Variants in PPP4R1 observed in about 807,000 individuals in gnomAD.
The protein encoded by PPP4R1 is protein phosphatase 4 regulatory subunit 1.
Under a neutral mutation model 111.2 loss-of-function variants are expected in PPP4R1, and 42 were observed. The observed-to-expected ratio is 0.38, with a 90% CI of 0.29 to 0.49. The LOEUF (loss-of-function observed/expected upper bound fraction) is 0.49. Ranked by LOEUF, PPP4R1 falls within the 20% of genes least tolerant of loss-of-function variation. The pLI is 0.97. For synonymous variants in PPP4R1, 409 were observed against 405.5 expected (o/e 1.01, Z -0.10); for missense variants, 1,012 against 1,161.6 (o/e 0.87, Z 1.87).
chr18:9,553,415 T>C lies in PPP4R1; in HGVS notation c.2198A>G (p.His733Arg), dbSNP rs200733969. The C allele has an allele frequency of 2.2e-5, 34 of 1,561,748 alleles. 1 individual carries two copies. The highest frequency in any genetic ancestry group is 2.9e-5 in the Non-Finnish European group (33 of 1,134,954). Residue 733 changes from histidine to arginine, a missense_variant, in exon 16 of 20, where the codon CAT (histidine) becomes CGT (arginine). This residue lies in a region of PPP4R1 where 305 missense variants were observed against 419.5 expected (regional missense o/e 0.73). Transcript: ENST00000400556. Reference sequence around the variant, plus strand: ...AAGATATTCTCTTCTTTTGTCAATATGAAGAAGCTAAAGTAACAAAATAAA... The same window carrying C: ...AAGATATTCTCTTCTTTTGTCAATACGAAGAAGCTAAAGTAACAAAATAAA... ...KHLHDFLKLL[H>R]IDKRREYLYQ... is the part of the protein sequence containing the mutation.
intron 2 of PPP4R1, among the ~76,000 whole-genome samples, chr18:9,597,322 C>T (rs766024861): frequency 6.6e-6 from 1 of 152,148 alleles, no homozygotes; most frequent in Non-Finnish European, 1.5e-5. Context: ...TCCCAGCAGA[C>T]TCCTGGAGTT....
intron 16 of PPP4R1, among the ~76,000 whole-genome samples, chr18:9,552,141 G>A (rs1354483808): frequency 2.0e-5 from 3 of 152,170 alleles, no homozygotes; most frequent in African/African-American, 7.2e-5. Context: ...GACATCATTT[G>A]AAAATGCAGG....
At chr18:9,613,379 T>C (rs1430537035) in intron 2 of PPP4R1, 1 of 152,224 alleles carries the variant, frequency 6.6e-6, no homozygotes, top group East Asian at 1.9e-4. Flanking sequence ...GTCTTTTCTA[T>C]CGTGACCCAA....
At chr18:9,579,517 CGTGTGTGTGT>C (rs3974278) in intron 9 of PPP4R1, among the ~76,000 whole-genome samples, 63 of 147,870 alleles carry the variant, frequency 4.3e-4, no homozygotes, top group Non-Finnish European at 8.4e-4. Context: ...AGGATTTACA[CGTGTGTGTGT>C]GTGTGTGTGT....
chr18:9,550,169 C>T lies in PPP4R1; in HGVS notation c.2430G>A (p.Lys810=), dbSNP rs2066466546. The T allele has an allele frequency of 3.1e-6, 5 of 1,614,200 alleles. No individual in the cohort carries two copies. The highest frequency in any genetic ancestry group is 4.2e-6 in the Non-Finnish European group (5 of 1,180,042). The change falls in exon 18 of 20, where the codon AAG becomes AAA. Residue 810 remains lysine, a synonymous_variant. Coordinates refer to ENST00000400556, the MANE Select transcript of PPP4R1 (RefSeq NM_001042388.3). The stretch of plus-strand genomic sequence containing the variant: ...TTGGTGGTGTTGCCGCGTGCAGCTT[C>T]TTCACCATCTCGCTGACCTGGGAGG... ...ISYKLVSEMV[K]KLHAATPPTF...
At chr18:9,576,121 G>A (rs1276881693) in intron 10 of PPP4R1, among the ~76,000 whole-genome samples, 2 of 151,992 alleles carry the variant, frequency 1.3e-5, no homozygotes, top group South Asian at 2.1e-4. Flanking sequence ...GTAGGAGAAC[G>A]GGCAAAAAGG....
upstream of PPP4R1, chr18:9,614,964 A>G (rs1293782875): frequency 6.6e-6 from 1 of 151,598 alleles, no homozygotes; most frequent in Non-Finnish European, 1.5e-5. This position sits in a 1 kb window ranked among gnomAD's most constrained non-coding sequence, Gnocchi z 4.1. Flanking sequence ...AGCCGCAGCC[A>G]TCTCGGCGGG....
rs150629967 is a variant in PPP4R1, at chr18:9,599,888, T to C, written c.53-4735A>G. The stretch of plus-strand genomic sequence containing the variant: ...CTCCTACAGCTGTGACTGTCAAACA[T>C]AATTATGTTCAAGACAAGCTTGTGG... On this transcript the variant is annotated intron_variant, in intron 2 of 19. Transcript: ENST00000400556. 1.7e-3 allele frequency: 262 copies of C among 152,232 alleles called. 1 individual carries two copies. The highest frequency in any genetic ancestry group is 6.0e-3 in the African/African-American group (249 of 41,538). The allele number at this position is 152,232 out of a possible 1,614,324, so 9.4% of individuals were successfully genotyped here.
chr18:9,574,946 G>C (rs1340659879), intron 10 of PPP4R1, among the ~76,000 whole-genome samples: 6 of 152,192 alleles, frequency 3.9e-5, no homozygotes, highest in African/African-American at 1.4e-4. Flanking sequence ...TTAAAATGCA[G>C]ATTTGAGTAT....
intron 2 of PPP4R1, among the ~76,000 whole-genome samples, chr18:9,606,798 C>T (rs2067488982): frequency 6.6e-6 from 1 of 152,034 alleles, no homozygotes; most frequent in Non-Finnish European, 1.5e-5. Context: ...CAGTATTTAA[C>T]AGAAAGGTAG....
chr18:9,592,672 TAC>T (rs2067231964), intron 4 of PPP4R1, among the ~76,000 whole-genome samples: 1 of 134,794 alleles, frequency 7.4e-6, no homozygotes, highest in African/African-American at 3.0e-5. Flanking sequence ...CACACACACT[TAC>T]AAAAAAAAAA....
At chr18:9,594,819 G>A in intron 3 of PPP4R1, 199 bp downstream of exon 3, 3 of 487,826 alleles carry the variant, frequency 6.1e-6, no homozygotes, top group Non-Finnish European at 3.3e-6. Context: ...TTTTTGCAAA[G>A]AAAGCATGTT....
rs2066460398 is a variant in PPP4R1, at chr18:9,549,837, T to C, written c.2547+215A>G. On this transcript the variant is annotated intron_variant, in intron 18 of 19. Transcript: ENST00000400556. The stretch of plus-strand genomic sequence containing the variant: ...ATACAGCAGGCACGTGGGGTGTGTG[T>C]GGTGCATGCCAGTGTAAGGAGGGGC... 7 of 639,508 alleles carry C rather than the reference T, an allele frequency of 1.1e-5. No individual in the cohort carries two copies. The East Asian group carries it at 1.9e-4, about 18-fold the overall frequency. 39.6% of individuals were successfully genotyped at this position (639,508 alleles called of 1,614,324 possible). A position where few individuals can be genotyped will look rare whatever the true frequency, so the allele number is the denominator to read the frequency against.
chr18:9,612,516 T>C (rs2067599291), intron 2 of PPP4R1: 2 of 152,350 alleles, frequency 1.3e-5, no homozygotes, highest in South Asian at 4.1e-4. Context: ...CCCTCTACAC[T>C]GTGCTTCTTG....
chr18:9,579,792 C>T (rs1303315136), intron 9 of PPP4R1, among the ~76,000 whole-genome samples: 1 of 152,170 alleles, frequency 6.6e-6, no homozygotes, highest in Non-Finnish European at 1.5e-5. Flanking sequence ...AGACGATTTA[C>T]AGTGTACAGG....
chr18:9,612,278 C>A (rs1444009716), intron 2 of PPP4R1, among the ~76,000 whole-genome samples: 2 of 152,124 alleles, frequency 1.3e-5, no homozygotes, highest in African/African-American at 2.4e-5. Context: ...AAAACTGAGG[C>A]ATAGGGAGGT....
Position 9,614,324 on chromosome 18 carries a change from ACGCCCCCCCCC to A in PPP4R1, c.8-65_8-55del, listed in dbSNP as rs1469005989. 3.8e-4 allele frequency: 386 copies of A among 1,020,902 alleles called. No homozygotes were observed. The highest frequency in any genetic ancestry group is 1.1e-3 in the East Asian group (16 of 15,128). The allele number at this position is 1,020,902 out of a possible 1,614,324, so 63.2% of individuals were successfully genotyped here. On this transcript the variant is annotated intron_variant, in intron 1 of 19. Transcript: ENST00000400556. This position sits in a 1 kb window ranked among gnomAD's most constrained non-coding sequence, Gnocchi z 4.1. ...GGTCAGCGCCCCGGGGCCCGGCGCG[ACGCCCCCCCCC>A]CGCCCGCCTCCCCCCCGCCCCGGGG...
intron 11 of PPP4R1, among the ~76,000 whole-genome samples, chr18:9,566,926 T>C (rs867507072): frequency 1.3e-5 from 2 of 152,198 alleles, no homozygotes; most frequent in South Asian, 4.1e-4. Flanking sequence ...AGAGCTCTGA[T>C]AGAGGCGTAT....
intron 9 of PPP4R1, among the ~76,000 whole-genome samples, chr18:9,582,182 G>A (rs1431569336): frequency 6.6e-6 from 1 of 151,594 alleles, no homozygotes; most frequent in Non-Finnish European, 1.5e-5. Context: ...GCAGAAGGGA[G>A]AATAAAGATT....
Sources: gnomAD v4.1 joint callset for allele counts (sites outside exome capture counted in the v4.1 genomes callset) on GRCh38, gnomAD v4.1.1 for gene constraint, gnomAD v4.1.1 regional missense constraint, Gnocchi (gnomAD v3.1) non-coding constraint, MANE v1.5 for transcripts, NCBI Gene and HGNC (gene_info 2026-07-23, HGNC 2026-07-21) for gene names.